CALN1: variants seen among roughly 807,000 people sequenced by gnomAD.
CALN1 encodes the protein calneuron 1.
Under a neutral mutation model 30.6 loss-of-function variants are expected in CALN1, and 17 were observed. That is an observed-to-expected ratio of 0.56 (90% CI 0.38 to 0.83). The LOEUF is 0.83. Among genes scored for constraint, CALN1 ranks in the 40% least tolerant of loss-of-function variants. CALN1 has a pLI of 0.00. For missense variants in CALN1, 291 were observed against 354.9 expected (o/e 0.82, Z 1.45); for synonymous variants, 156 against 131.4 (o/e 1.19, Z -1.28).
At chr7:72,181,943 G>A (rs1457063012) in intron 3 of CALN1, among the ~76,000 whole-genome samples, 1 of 152,202 alleles carries the variant, frequency 6.6e-6, no homozygotes, top group Admixed American at 6.5e-5. Context: ...TACAAAGACA[G>A]GTATAGCATG....
chr7:72,085,597 TA>T (rs1805434312), intron 4 of CALN1, among the ~76,000 whole-genome samples: 1 of 152,188 alleles, frequency 6.6e-6, no homozygotes, highest in African/African-American at 2.4e-5. Context: ...GAGGGGTTAT[TA>T]TATTAAGACA....
chr7:72,379,245 A>T (rs1804748200), intron 2 of CALN1, among the ~76,000 whole-genome samples: 1 of 151,926 alleles, frequency 6.6e-6, no homozygotes, highest in East Asian at 1.9e-4. Context: ...TCCTCCCACC[A>T]CACCCTCCCA....
rs531921952 is a variant in CALN1, at chr7:71,943,550, C to T, written c.501+80107G>A. Among the ~76,000 whole-genome samples the T allele has an allele frequency of 1.0e-4, 15 of 147,742 alleles. No individual in the cohort carries two copies. In the East Asian group the frequency reaches 2.0e-3, roughly 19 times the overall value. ...CTGCCTCTGGGGTTCAAGTCATTCT[C>T]GTGCCTCAGCCTCCCGAGTAGCTGA... On this transcript the variant is annotated intron_variant, in intron 5 of 6. Transcript: ENST00000395275.
At position 71,936,533 on chromosome 7, in the gene CALN1, CA is replaced by C. The variant is rs1795846529; in HGVS notation, c.501+87123del. Among the ~76,000 whole-genome samples the C allele has an allele frequency of 1.3e-5, 2 of 151,936 alleles. 1 individual carries two copies. Among genetic ancestry groups the C allele is most frequent in the South Asian group, 4.1e-4 (2 of 4,834 alleles). ...CCTGGGAAATTCTGGGGGAGGTCAA[CA>C]TGGACACTGAGCTCTAGGGCGTGAA... On this transcript the variant is annotated intron_variant, in intron 5 of 6. Coordinates refer to ENST00000395275, the MANE Select transcript of CALN1 (RefSeq NM_031468.4).
chr7:72,312,141 C>T (rs1381048213), intron 2 of CALN1, among the ~76,000 whole-genome samples: 3 of 152,154 alleles, frequency 2.0e-5, no homozygotes, highest in African/African-American at 7.2e-5. Context: ...CAGTGGCTCA[C>T]ACCTGTAATC....
intron 5 of CALN1, among the ~76,000 whole-genome samples, chr7:71,875,754 A>G (rs1326401381): frequency 2.0e-5 from 3 of 146,940 alleles, no homozygotes; most frequent in African/African-American, 8.2e-5. Flanking sequence ...AGGTTCTTAT[A>G]CTACACACTA....
chr7:72,323,657 A>G (rs1047802932), intron 2 of CALN1, among the ~76,000 whole-genome samples: 2 of 137,208 alleles, frequency 1.5e-5, no homozygotes, highest in South Asian at 2.4e-4. Context: ...GCGAGACTCC[A>G]TCTCAAAAAA....
intron 3 of CALN1, among the ~76,000 whole-genome samples, chr7:72,141,310 G>GA (rs1809919960): frequency 6.6e-6 from 1 of 151,432 alleles, no homozygotes; most frequent in Admixed American, 6.6e-5. Context: ...AAAAGAAAAA[G>GA]AAAAAAAGGC....
At chr7:72,442,059 C>A (rs1194954600) in intron 1 of CALN1, among the ~76,000 whole-genome samples, 1 of 152,168 alleles carries the variant, frequency 6.6e-6, no homozygotes. Flanking sequence ...CGACTCATCT[C>A]ACACAACTCA....
At chr7:72,458,165 TTTATTTTATG>T in the CALN1 span, among the ~76,000 whole-genome samples, 9 of 132,044 alleles carry the variant, frequency 6.8e-5, no homozygotes, top group Non-Finnish European at 9.4e-5. Context: ...ATATATATAT[TTTATTTTATG>T]TATTATATTT....
intron 5 of CALN1, among the ~76,000 whole-genome samples, chr7:71,926,237 G>A (rs1428116251): frequency 6.6e-6 from 1 of 150,582 alleles, no homozygotes; most frequent in Admixed American, 6.7e-5. Context: ...CATTTCGCAA[G>A]TCTCCAGATA....
At chr7:72,036,958 ATTTT>A (rs1801838056) in intron 4 of CALN1, among the ~76,000 whole-genome samples, 1 of 151,248 alleles carries the variant, frequency 6.6e-6, no homozygotes, top group East Asian at 1.9e-4. Context: ...TATTTTTGTC[ATTTT>A]TTATTTGTTT....
intron 3 of CALN1, among the ~76,000 whole-genome samples, chr7:72,181,911 G>C (rs1272922912): frequency 6.6e-6 from 1 of 152,192 alleles, no homozygotes; most frequent in Admixed American, 6.5e-5. Context: ...CTATGTACCA[G>C]CACTATCCAA....
chr7:72,450,904 G>A (rs1238911392), upstream of CALN1, among the ~76,000 whole-genome samples: 1 of 151,994 alleles, frequency 6.6e-6, no homozygotes, highest in African/African-American at 2.4e-5. Flanking sequence ...ATCCTCATGT[G>A]GGGCAGGAGC....
At chr7:72,110,813 A>T (rs1229066670) in intron 3 of CALN1, among the ~76,000 whole-genome samples, 5 of 152,114 alleles carry the variant, frequency 3.3e-5, no homozygotes, top group Non-Finnish European at 5.9e-5. Context: ...TCTGGGAAAG[A>T]CATGTGATGT....
chr7:72,323,672 A>T (rs371678918), intron 2 of CALN1, among the ~76,000 whole-genome samples: 1 of 133,790 alleles, frequency 7.5e-6, no homozygotes, highest in Non-Finnish European at 1.7e-5. Flanking sequence ...AAAAAAAAAA[A>T]AATAAAAAAT....
intron 2 of CALN1, among the ~76,000 whole-genome samples, chr7:72,335,497 T>C (rs1173645521): frequency 6.6e-6 from 1 of 152,180 alleles, no homozygotes; most frequent in Non-Finnish European, 1.5e-5. Flanking sequence ...TGGGTCACTC[T>C]AGAATGTAGT....
intron 2 of CALN1, among the ~76,000 whole-genome samples, chr7:72,389,033 C>A (rs1216428159): frequency 1.3e-5 from 2 of 152,186 alleles, no homozygotes; most frequent in Non-Finnish European, 2.9e-5. Flanking sequence ...TGGCATCCAG[C>A]GCTTCCTTCA....
chr7:72,160,265 A>G (rs551932703), intron 3 of CALN1, among the ~76,000 whole-genome samples: 6 of 143,242 alleles, frequency 4.2e-5, no homozygotes, highest in Non-Finnish European at 9.0e-5. Context: ...AAAGAACACT[A>G]TTTATTTTCT....
Sources: allele counts gnomAD v4.1 joint callset (sites outside exome capture counted in the v4.1 genomes callset), GRCh38; gene constraint gnomAD v4.1.1; transcripts MANE v1.5; gene names NCBI Gene and HGNC (gene_info 2026-07-23, HGNC 2026-07-21).